Variants in DOCK3 observed in about 807,000 individuals in gnomAD.
The protein encoded by DOCK3 is dedicator of cytokinesis 3, also known as dedicator of cytokinesis protein 3.
Under a neutral mutation model 265.6 loss-of-function variants are expected in DOCK3, and 60 were observed. The observed-to-expected ratio is 0.23, with a 90% CI of 0.18 to 0.28. The LOEUF is 0.28. Ranked by LOEUF, DOCK3 falls within the 10% of genes least tolerant of loss-of-function variation. The pLI is 1.00. For synonymous variants in DOCK3, 881 were observed against 938.0 expected (o/e 0.94, Z 1.11); for missense variants, 1,981 against 2,594.3 (o/e 0.76, Z 5.14).
Position 51,360,645 on chromosome 3 carries a change from G to A in DOCK3, c.5006+13G>A. 1 of 1,613,664 alleles carries A rather than the reference G, an allele frequency of 6.2e-7. No homozygotes were observed. The highest frequency in any genetic ancestry group is 1.1e-5 in the South Asian group (1 of 90,968). ...CCCACCGGCACAGGTATGGCCTTAG[G>A]GCTGGGGAGGGTTCCCTCTGGAGAG... On this transcript the variant is annotated intron_variant, in intron 47 of 52. Coordinates refer to ENST00000266037, the MANE Select transcript of DOCK3 (RefSeq NM_004947.5).
chr3:51,092,637 C>A (rs1400368232), intron 9 of DOCK3, among the ~76,000 whole-genome samples: 1 of 146,832 alleles, frequency 6.8e-6, no homozygotes, highest in Non-Finnish European at 1.5e-5. Context: ...AGCAGCGGAC[C>A]TCCTAGCACA....
intron 9 of DOCK3, among the ~76,000 whole-genome samples, chr3:51,124,200 G>A (rs2084161232): frequency 6.6e-6 from 1 of 152,128 alleles, no homozygotes; most frequent in African/African-American, 2.4e-5. Flanking sequence ...TTATACTTTG[G>A]AAATTGATAT....
chr3:51,124,602 T>A (rs1335969716), intron 9 of DOCK3, among the ~76,000 whole-genome samples: 2 of 152,206 alleles, frequency 1.3e-5, no homozygotes, highest in Non-Finnish European at 2.9e-5. Context: ...GAGAGTTCTT[T>A]GAAGTCTGGG....
chr3:50,918,299 G>C (rs888195867), intron 4 of DOCK3, among the ~76,000 whole-genome samples: 7 of 152,056 alleles, frequency 4.6e-5, no homozygotes, highest in Non-Finnish European at 8.8e-5. Context: ...TGGGTCAAAT[G>C]GTATTTCTAG....
intron 4 of DOCK3, among the ~76,000 whole-genome samples, chr3:50,908,612 T>C (rs565362269): frequency 6.6e-6 from 1 of 152,158 alleles, no homozygotes; most frequent in Non-Finnish European, 1.5e-5. Context: ...TCTTTTGCAT[T>C]TGCTGAGGTG....
At chr3:51,307,515 A>C (rs2082750106) in intron 27 of DOCK3, among the ~76,000 whole-genome samples, 1 of 152,182 alleles carries the variant, frequency 6.6e-6, no homozygotes. Context: ...TATTTTCTTA[A>C]ATGCCTTAAA....
intron 1 of DOCK3, among the ~76,000 whole-genome samples, chr3:50,760,923 A>G (rs2040490449): frequency 6.6e-6 from 1 of 151,980 alleles, no homozygotes; most frequent in South Asian, 2.1e-4. Context: ...CTGGGACTAC[A>G]GGCGCCTGCC....
At chr3:51,082,280 A>T (rs1243519002) in intron 7 of DOCK3, among the ~76,000 whole-genome samples, 2 of 151,250 alleles carry the variant, frequency 1.3e-5, no homozygotes, top group Non-Finnish European at 3.0e-5. Flanking sequence ...GCGTTTTTCT[A>T]CCCTTGGGTC....
chr3:51,108,370 T>G (rs2083378116), intron 9 of DOCK3, among the ~76,000 whole-genome samples: 2 of 152,154 alleles, frequency 1.3e-5, no homozygotes, highest in Non-Finnish European at 2.9e-5. Flanking sequence ...AGACCTGCCT[T>G]ACAAGAGCTT....
At chr3:51,365,465 G>C (rs1341976126) in intron 49 of DOCK3, among the ~76,000 whole-genome samples, 1 of 152,136 alleles carries the variant, frequency 6.6e-6, no homozygotes, top group Non-Finnish European at 1.5e-5. Context: ...TTTCCTAATT[G>C]AATACCCTTT....
At chr3:51,272,917 C>G (rs951740930) in intron 24 of DOCK3, among the ~76,000 whole-genome samples, 2 of 152,050 alleles carry the variant, frequency 1.3e-5, no homozygotes, top group African/African-American at 4.8e-5. Flanking sequence ...GTAATCCCAG[C>G]ACTTTGGGAG....
intron 3 of DOCK3, chr3:50,877,381 T>C (rs527579572): frequency 8.2e-5 from 42 of 514,632 alleles, no homozygotes; most frequent in African/African-American, 7.5e-4. Context: ...AATCCAGTTA[T>C]GGTCAGGGTC....
intron 4 of DOCK3, among the ~76,000 whole-genome samples, chr3:50,903,630 T>G (rs1470588493): frequency 6.6e-6 from 1 of 152,108 alleles, no homozygotes; most frequent in Non-Finnish European, 1.5e-5. Flanking sequence ...AGTTTTCTGT[T>G]TTTGTTGTAT....
chr3:51,064,384 T>G, intron 5 of DOCK3, 64 bp from the exon 6 acceptor site: 1 of 1,589,624 alleles, frequency 6.3e-7, no homozygotes, highest in South Asian at 1.1e-5. Flanking sequence ...ACTATTTCTC[T>G]TTTTCTTTTC....
chr3:51,143,395 G>A (rs1473534310), intron 9 of DOCK3, among the ~76,000 whole-genome samples: 1 of 151,116 alleles, frequency 6.6e-6, no homozygotes, highest in African/African-American at 2.4e-5. Context: ...TCAGCCTCCT[G>A]AGTAGCTGGG....
At chr3:51,325,641 A>T (rs1195468539) in intron 32 of DOCK3, among the ~76,000 whole-genome samples, 1 of 152,242 alleles carries the variant, frequency 6.6e-6, no homozygotes, top group Admixed American at 6.5e-5. Flanking sequence ...TATTCACAAT[A>T]GCAAAGACTT....
chr3:51,361,784 A>C lies in DOCK3; in HGVS notation c.5007-75A>C. 1 of 1,539,982 alleles carries C rather than the reference A, an allele frequency of 6.5e-7. No homozygotes were observed. Among genetic ancestry groups the C allele is most frequent in the Non-Finnish European group, 8.8e-7 (1 of 1,140,972 alleles). ...AGCTGAAACCAGGGATGACTATTCC[A>C]CACATTCCGCTCTACTGTCCCCCTG... is the stretch of plus-strand genomic sequence containing the variant. On this transcript the variant is annotated intron_variant, in intron 47 of 52. Coordinates refer to ENST00000266037, the MANE Select transcript of DOCK3 (RefSeq NM_004947.5). The surrounding 1 kb of genome is among the most constrained non-coding windows in gnomAD (Gnocchi z 4.2).
At chr3:51,167,280 C>A (rs1022359867) in intron 12 of DOCK3, among the ~76,000 whole-genome samples, 1 of 152,110 alleles carries the variant, frequency 6.6e-6, no homozygotes, top group Non-Finnish European at 1.5e-5. Flanking sequence ...TTTCTGGGAT[C>A]TGTATTCTGT....
chr3:51,354,545 C>T (rs2086232688), intron 40 of DOCK3, among the ~76,000 whole-genome samples: 1 of 152,202 alleles, frequency 6.6e-6, no homozygotes. Flanking sequence ...CCATACCATA[C>T]CAGCCTGACC....
Sources: allele counts gnomAD v4.1 joint callset (sites outside exome capture counted in the v4.1 genomes callset), GRCh38; gene constraint gnomAD v4.1.1; non-coding constraint Gnocchi (gnomAD v3.1); transcripts MANE v1.5; gene names NCBI Gene and HGNC (gene_info 2026-07-23, HGNC 2026-07-21).